Variants in CDH13 observed in about 807,000 individuals in gnomAD.
CDH13 encodes cadherin 13.
CDH13 carries 24 observed loss-of-function variants against 63.8 expected under a neutral mutation model. The observed-to-expected ratio is 0.38, with a 90% CI of 0.27 to 0.53. CDH13 has a LOEUF of 0.53. CDH13 is among the 20% of genes least tolerant of loss of function. CDH13 has a pLI of 0.85. For synonymous variants in CDH13, 503 were observed against 355.3 expected (o/e 1.42, Z -4.67); for missense variants, 1,049 against 903.1 (o/e 1.16, Z -2.07).
chr16:83,183,425 G>A (rs2038410964), intron 4 of CDH13, among the ~76,000 whole-genome samples: 1 of 152,216 alleles, frequency 6.6e-6, no homozygotes, highest in Non-Finnish European at 1.5e-5. Flanking sequence ...GGGAACTAGT[G>A]AGTGAGGAAG....
At chr16:83,726,641 C>T (rs1042935945) in intron 10 of CDH13, among the ~76,000 whole-genome samples, 1 of 152,158 alleles carries the variant, frequency 6.6e-6, no homozygotes, top group African/African-American at 2.4e-5. Flanking sequence ...CAAGACCATC[C>T]TGGCTAACAC....
At chr16:83,776,978 CA>C (rs1264115894) in intron 11 of CDH13, among the ~76,000 whole-genome samples, 1 of 131,114 alleles carries the variant, frequency 7.6e-6, no homozygotes, top group Non-Finnish European at 1.7e-5. Flanking sequence ...GCATTGAATT[CA>C]AGGGGTCGTT....
At chr16:83,630,254 G>A (rs376184615) in intron 8 of CDH13, among the ~76,000 whole-genome samples, 3 of 152,172 alleles carry the variant, frequency 2.0e-5, no homozygotes, top group African/African-American at 7.2e-5. Context: ...GTTAAATAAA[G>A]TGCAACATTT....
At chr16:83,347,829 TCAAAAGACTAGTCCGGGTCTGTCTA>T (rs1296917025) in intron 6 of CDH13, among the ~76,000 whole-genome samples, 6 of 152,286 alleles carry the variant, frequency 3.9e-5, no homozygotes, top group Admixed American at 2.6e-4. Context: ...GGCATCATGC[TCAAAAGACTAGTCCGGGTCTGTCTA>T]CAATAGCCCG....
Position 83,125,590 on chromosome 16 carries a change from T to C in CDH13, c.483+89T>C. ...GAGTATGACTGTCTTGGTGACCAGCTGGAATTAGTCTTCATCTGTCTATGA... is the reference window on the plus strand; with the variant it reads ...GAGTATGACTGTCTTGGTGACCAGCCGGAATTAGTCTTCATCTGTCTATGA... On this transcript the variant is annotated intron_variant, in intron 4 of 13. Coordinates refer to ENST00000567109, the MANE Select transcript of CDH13 (RefSeq NM_001257.5). 3 of 698,552 alleles carry C rather than the reference T, an allele frequency of 4.3e-6. No homozygotes were observed. The African/African-American group carries it at 5.3e-5, about 12-fold the overall frequency. 43.3% of individuals were successfully genotyped at this position (698,552 alleles called of 1,614,324 possible).
At chr16:82,852,981 C>G (rs1321807972) in intron 1 of CDH13, among the ~76,000 whole-genome samples, 1 of 152,136 alleles carries the variant, frequency 6.6e-6, no homozygotes, top group Admixed American at 6.5e-5. Context: ...AAAAAAAACC[C>G]TTTCTTTTTA....
intron 1 of CDH13, among the ~76,000 whole-genome samples, chr16:82,760,504 G>T (rs1597494004): frequency 6.6e-6 from 1 of 152,078 alleles, no homozygotes; most frequent in East Asian, 1.9e-4. Context: ...TACTTTAGGA[G>T]ATTCATAGTT....
At chr16:83,651,615 A>C (rs1049520435) in intron 8 of CDH13, among the ~76,000 whole-genome samples, 1 of 38,394 alleles carries the variant, frequency 2.6e-5, no homozygotes, top group African/African-American at 9.8e-5. Context: ...TTTTTTTTTG[A>C]GATGGAATCT....
intron 3 of CDH13, among the ~76,000 whole-genome samples, chr16:83,050,010 A>G (rs1217216170): frequency 6.6e-6 from 1 of 152,172 alleles, no homozygotes; most frequent in Non-Finnish European, 1.5e-5. Flanking sequence ...AAAACGTTGT[A>G]TACTTGCAAG....
chr16:83,447,914 A>C (rs1220352924), intron 6 of CDH13, among the ~76,000 whole-genome samples: 5 of 152,050 alleles, frequency 3.3e-5, no homozygotes, highest in African/African-American at 9.7e-5. Flanking sequence ...TGTGGTCTGC[A>C]GAAGTTGCCC....
chr16:83,009,007 G>A lies in CDH13; in HGVS notation c.158-23003G>A, dbSNP rs140150311. ...GCCCCTTATAAAACCATCAGATCTC[G>A]TGAGAACTCACTATCATGACAACAG... On this transcript the variant is annotated intron_variant, in intron 2 of 13. Coordinates refer to ENST00000567109, the MANE Select transcript of CDH13 (RefSeq NM_001257.5). 1.9e-3 allele frequency among the ~76,000 whole-genome samples: 291 copies of A among 152,266 alleles called. 1 individual carries two copies. The highest frequency in any genetic ancestry group is 6.4e-3 in the African/African-American group (265 of 41,548).
intron 5 of CDH13, among the ~76,000 whole-genome samples, chr16:83,272,465 C>T (rs1009034146): frequency 6.6e-6 from 1 of 152,206 alleles, no homozygotes; most frequent in African/African-American, 2.4e-5. Flanking sequence ...TAATACCACA[C>T]GGGTATTTTC....
chr16:82,913,573 G>T (rs765364476), intron 2 of CDH13, among the ~76,000 whole-genome samples: 13 of 152,120 alleles, frequency 8.5e-5, no homozygotes, highest in Non-Finnish European at 1.2e-4. Flanking sequence ...GAGGCAATTT[G>T]GGGAAACAGC....
chr16:83,362,745 T>C (rs550157766), intron 6 of CDH13, among the ~76,000 whole-genome samples: 11 of 152,346 alleles, frequency 7.2e-5, no homozygotes, highest in Admixed American at 3.9e-4. Context: ...CTTCTTAGTA[T>C]GCCTGCTTTT....
At chr16:82,697,087 T>C (rs767298195) in intron 1 of CDH13, among the ~76,000 whole-genome samples, 1 of 152,224 alleles carries the variant, frequency 6.6e-6, no homozygotes, top group Non-Finnish European at 1.5e-5. Flanking sequence ...TCATATATTG[T>C]TACTTTTACC....
intron 2 of CDH13, among the ~76,000 whole-genome samples, chr16:82,962,718 C>G (rs1186745611): frequency 2.0e-5 from 3 of 152,182 alleles, no homozygotes; most frequent in Non-Finnish European, 4.4e-5. Context: ...CATTTCATTT[C>G]TGAAAACTGG....
At chr16:82,879,321 C>A (rs1051088235) in intron 2 of CDH13, among the ~76,000 whole-genome samples, 1 of 151,742 alleles carries the variant, frequency 6.6e-6, no homozygotes, top group Non-Finnish European at 1.5e-5. Context: ...GAGGCTGGTA[C>A]AGTCTCTGCT....
At chr16:82,699,600 A>G (rs147231733) in intron 1 of CDH13, among the ~76,000 whole-genome samples, 125 of 152,340 alleles carry the variant, frequency 8.2e-4, no homozygotes, top group Middle Eastern at 3.4e-3. Context: ...ATTTAAGAGA[A>G]TGTGCATAAA....
In CDH13 at chr16:82,902,954, A is replaced by G. The variant is rs375332027; in HGVS notation, c.157+44481A>G. On this transcript the variant is annotated intron_variant, in intron 2 of 13. Transcript: ENST00000567109. The stretch of plus-strand genomic sequence containing the variant: ...AGAAGCTCTAAGAGTTGGAATCTAC[A>G]TCATCATCTTTGTCTTCATGGCTAG... 1.4e-4 allele frequency among the ~76,000 whole-genome samples: 21 copies of G among 152,310 alleles called. No homozygotes were observed. In the East Asian group the frequency reaches 2.7e-3, roughly 20 times the overall value.
Sources: allele counts gnomAD v4.1 joint callset (sites outside exome capture counted in the v4.1 genomes callset), GRCh38; gene constraint gnomAD v4.1.1; transcripts MANE v1.5; gene names NCBI Gene and HGNC (gene_info 2026-07-23, HGNC 2026-07-21).